The following ACKR3 variants were observed in gnomAD, a reference collection of about 807,000 sequenced individuals.
The protein encoded by ACKR3 is atypical chemokine receptor 3.
A neutral mutation model predicts 22.4 loss-of-function variants in ACKR3; 6 were observed. That is an observed-to-expected ratio of 0.27 (90% confidence interval 0.15 to 0.53). The LOEUF (loss-of-function observed/expected upper bound fraction) is 0.53, where lower values mean the gene tolerates loss of function less well. ACKR3 is among the 20% of genes least tolerant of loss of function. The pLI is 0.96. For missense variants in ACKR3, 396 were observed against 475.2 expected, an observed-to-expected ratio of 0.83 and a Z score of 1.55; for synonymous variants, 209 against 205.2, an observed-to-expected ratio of 1.02 and a Z score of -0.16.
the ACKR3 span, among the ~76,000 whole-genome samples, chr2:236,555,562 C>T: frequency 6.6e-6 from 1 of 152,162 alleles, no homozygotes; most frequent in Admixed American, 6.5e-5. Flanking sequence ...GCCCTAAAAG[C>T]TGCCTTCAGC....
the ACKR3 span, among the ~76,000 whole-genome samples, chr2:236,556,057 G>A: frequency 1.3e-5 from 2 of 152,208 alleles, no homozygotes; most frequent in Middle Eastern, 3.2e-3. Flanking sequence ...GAGGCTCAGA[G>A]TGGGGTGAGG....
At chr2:236,564,702 A>C (rs1219927967), upstream of ACKR3, among the ~76,000 whole-genome samples, 1 of 151,652 alleles carries the variant, frequency 6.6e-6, no homozygotes, top group African/African-American at 2.4e-5. Flanking sequence ...CTTAGGACTT[A>C]ACACCCTCTG....
At chr2:236,571,618 GAAAAAAAAAAAA>G (rs397988342) in intron 1 of ACKR3, among the ~76,000 whole-genome samples, 16 of 76,598 alleles carry the variant, frequency 2.1e-4, no homozygotes, top group Non-Finnish European at 1.5e-4. Flanking sequence ...CTTTCTGAAT[GAAAAAAAAAAAA>G]AAAAAAAAAA....
intron 1 of ACKR3, among the ~76,000 whole-genome samples, chr2:236,576,984 C>G (rs1691424593): frequency 6.6e-6 from 1 of 152,226 alleles, no homozygotes; most frequent in South Asian, 2.1e-4. Flanking sequence ...TCCTATCTGA[C>G]CCCTGGAACC....
chr2:236,551,751 A>G, the ACKR3 span, among the ~76,000 whole-genome samples: 3,355 of 152,242 alleles, frequency 0.022, 121 homozygotes, highest in African/African-American at 0.078. Flanking sequence ...GTGAACCAGC[A>G]TTGATTTATA....
the ACKR3 span, among the ~76,000 whole-genome samples, chr2:236,553,487 A>G: frequency 6.6e-6 from 1 of 152,390 alleles, no homozygotes; most frequent in East Asian, 1.9e-4. Flanking sequence ...CACATCACCA[A>G]GGTTCCCAGC....
chr2:236,562,955 T>A (rs1019306572), upstream of ACKR3, among the ~76,000 whole-genome samples: 16 of 152,198 alleles, frequency 1.1e-4, no homozygotes, highest in African/African-American at 3.9e-4. Context: ...CACATCCTTG[T>A]TCACATTCAG....
upstream of ACKR3, among the ~76,000 whole-genome samples, chr2:236,566,722 T>TCCTTC (rs1553634515): frequency 1.1e-4 from 13 of 116,974 alleles, no homozygotes; most frequent in African/African-American, 3.7e-4. Flanking sequence ...TTCCTTCCCT[T>TCCTTC]CCTTCCTTCC....
chr2:236,545,163 G>T, the ACKR3 span, among the ~76,000 whole-genome samples: 42,027 of 152,060 alleles, frequency 0.28, 9,425 homozygotes, highest in African/African-American at 0.63. This position sits in a 1 kb window ranked among gnomAD's most constrained non-coding sequence, Gnocchi z 5.3. Context: ...CTGTGCCTTC[G>T]TCATCTTTAG....
the ACKR3 span, among the ~76,000 whole-genome samples, chr2:236,553,458 A>G: frequency 0.24 from 36,720 of 152,280 alleles, 6,509 homozygotes; most frequent in African/African-American, 0.5. Flanking sequence ...CAATAAAGAA[A>G]GGCCAGAGGG....
At chr2:236,543,980 T>C in the ACKR3 span, among the ~76,000 whole-genome samples, 1 of 68,262 alleles carries the variant, frequency 1.5e-5, no homozygotes, top group Admixed American at 1.2e-4. Context: ...TATATATATA[T>C]ATATATATAT....
At chr2:236,551,792 G>T in the ACKR3 span, among the ~76,000 whole-genome samples, 2 of 152,192 alleles carry the variant, frequency 1.3e-5, no homozygotes, top group African/African-American at 4.8e-5. Context: ...ACCTTGATGG[G>T]CTTGGCTCCC....
the ACKR3 span, among the ~76,000 whole-genome samples, chr2:236,557,356 A>G: frequency 6.6e-6 from 1 of 152,042 alleles, no homozygotes. Flanking sequence ...CAAGGAGCAC[A>G]CTTTGCACCC....
the ACKR3 span, among the ~76,000 whole-genome samples, chr2:236,561,441 T>C: frequency 9.2e-5 from 14 of 152,230 alleles, no homozygotes; most frequent in Non-Finnish European, 4.4e-5. Flanking sequence ...TTAGAGGTCA[T>C]GACTGTCGTT....
chr2:236,579,024 T>G (rs1393945434), intron 1 of ACKR3, among the ~76,000 whole-genome samples: 1 of 152,212 alleles, frequency 6.6e-6, no homozygotes, highest in Non-Finnish European at 1.5e-5. Context: ...GTGAGATAGG[T>G]GCTGCTGTCC....
At chr2:236,539,160 A>G in the ACKR3 span, among the ~76,000 whole-genome samples, 1 of 151,466 alleles carries the variant, frequency 6.6e-6, no homozygotes, top group Non-Finnish European at 1.5e-5. Context: ...GTTTATTATC[A>G]CGTCTGGATG....
chr2:236,537,432 G>C, the ACKR3 span, among the ~76,000 whole-genome samples: 1 of 152,164 alleles, frequency 6.6e-6, no homozygotes, highest in Admixed American at 6.5e-5. Context: ...CCTCTCGAAT[G>C]GCCTGTAAAT....
upstream of ACKR3, among the ~76,000 whole-genome samples, chr2:236,566,474 A>G (rs1310990945): frequency 6.6e-6 from 1 of 152,202 alleles, no homozygotes; most frequent in African/African-American, 2.4e-5. Flanking sequence ...GCATTCTGGC[A>G]TGGTAACTGT....
In ACKR3 at chr2:236,580,456, C is replaced by T. The variant is rs763244510; in HGVS notation, c.-10C>T. On this transcript the variant is annotated 5_prime_UTR_variant, in exon 2 of 2. Transcript: ENST00000272928. ...TTCTCATAGGTCATTTGATTGCCCGCCTCAGAACGATGGATCTGCATCTCT... is the reference window on the plus strand; with the variant it reads ...TTCTCATAGGTCATTTGATTGCCCGTCTCAGAACGATGGATCTGCATCTCT... The T allele has an allele frequency of 1.1e-5, 17 of 1,603,226 alleles. No individual in the cohort carries two copies. Among genetic ancestry groups the T allele is most frequent in the Non-Finnish European group, 1.7e-6 (2 of 1,171,278 alleles).
Sources: allele counts gnomAD v4.1 joint callset (sites outside exome capture counted in the v4.1 genomes callset), GRCh38; gene constraint gnomAD v4.1.1; non-coding constraint Gnocchi (gnomAD v3.1); transcripts MANE v1.5; gene names NCBI Gene and HGNC (gene_info 2026-07-23, HGNC 2026-07-21).